SLX4IP: variants seen among roughly 807,000 people sequenced by gnomAD.
The protein encoded by SLX4IP is SLX4 interacting protein.
A neutral mutation model predicts 32.9 loss-of-function variants in SLX4IP; 34 were observed. The observed-to-expected ratio is 1.03, with a 90% CI of 0.79 to 1.38. The LOEUF is 1.38. Among genes scored for constraint, SLX4IP ranks in the 40% most tolerant of loss-of-function variants. SLX4IP has a pLI of 0.00. For missense variants in SLX4IP, 444 were observed against 479.0 expected, an observed-to-expected ratio of 0.93 and a Z score of 0.68; for synonymous variants, 172 against 171.7, an observed-to-expected ratio of 1.00 and a Z score of -0.01.
At chr20:10,519,892 T>A (rs376775369) in intron 2 of SLX4IP, among the ~76,000 whole-genome samples, 7 of 152,210 alleles carry the variant, frequency 4.6e-5, no homozygotes, top group African/African-American at 1.2e-4. Flanking sequence ...TCTGTCTTCT[T>A]GTTTACAGCT....
At chr20:10,583,471 A>G (rs908063029) in intron 4 of SLX4IP, among the ~76,000 whole-genome samples, 1 of 151,970 alleles carries the variant, frequency 6.6e-6, no homozygotes, top group Non-Finnish European at 1.5e-5. Context: ...TTTTTTTTCT[A>G]TCTGTTTATT....
intron 2 of SLX4IP, among the ~76,000 whole-genome samples, chr20:10,524,685 T>C (rs2065927271): frequency 1.3e-5 from 2 of 152,232 alleles, no homozygotes; most frequent in Non-Finnish European, 2.9e-5. Flanking sequence ...GAGTGTTGTA[T>C]GTACAGAAGT....
At chr20:10,569,646 T>C (rs1402971227) in intron 4 of SLX4IP, among the ~76,000 whole-genome samples, 4 of 152,276 alleles carry the variant, frequency 2.6e-5, no homozygotes, top group African/African-American at 9.6e-5. Context: ...TTGATGGCTG[T>C]CTCCTCCCTC....
chr20:10,607,520 T>A (rs2066918980), intron 6 of SLX4IP, among the ~76,000 whole-genome samples: 1 of 152,192 alleles, frequency 6.6e-6, no homozygotes, highest in Non-Finnish European at 1.5e-5. Context: ...CAAGGCTGAC[T>A]GCCCTGTCCC....
In SLX4IP at chr20:10,449,007, G is replaced by A. The variant is rs904086750; in HGVS notation, c.-29-9169G>A. On this transcript the variant is annotated intron_variant, in intron 1 of 7. Coordinates refer to ENST00000334534, the MANE Select transcript of SLX4IP (RefSeq NM_001009608.3). ...CTCTGAGGGCTGCTCACATATGAGT[G>A]TGTACTCCTTCCACCATGGATAAGT... Among the ~76,000 whole-genome samples the A allele has an allele frequency of 9.8e-5, 15 of 152,292 alleles. No individual in the cohort carries two copies. The East Asian group carries it at 2.9e-3, about 29-fold the overall frequency.
At chr20:10,521,713 T>C (rs984589266) in intron 2 of SLX4IP, among the ~76,000 whole-genome samples, 3 of 152,154 alleles carry the variant, frequency 2.0e-5, no homozygotes, top group Non-Finnish European at 4.4e-5. Context: ...CATCCCCAAA[T>C]ATGCCCATGG....
intron 4 of SLX4IP, among the ~76,000 whole-genome samples, chr20:10,566,631 A>T (rs762281022): frequency 1.3e-5 from 2 of 152,182 alleles, no homozygotes. Context: ...ACCTTACTCC[A>T]GTTCTACAAG....
At chr20:10,562,815 GTGA>G (rs1225970959) in intron 4 of SLX4IP, among the ~76,000 whole-genome samples, 1 of 152,124 alleles carries the variant, frequency 6.6e-6, no homozygotes, top group Non-Finnish European at 1.5e-5. Flanking sequence ...CATTCATCTG[GTGA>G]TGAACATTTA....
At chr20:10,470,929 G>C (rs1600903562) in intron 2 of SLX4IP, among the ~76,000 whole-genome samples, 1 of 152,172 alleles carries the variant, frequency 6.6e-6, no homozygotes, top group Non-Finnish European at 1.5e-5. Context: ...CTGAATGCAT[G>C]TTGTGGTTTC....
At chr20:10,480,598 A>G (rs1200736845) in intron 2 of SLX4IP, among the ~76,000 whole-genome samples, 1 of 152,250 alleles carries the variant, frequency 6.6e-6, no homozygotes, top group East Asian at 1.9e-4. Context: ...TACTTTAACA[A>G]TAGATAAAAG....
intron 2 of SLX4IP, among the ~76,000 whole-genome samples, chr20:10,544,932 G>A (rs2066147387): frequency 6.6e-6 from 1 of 152,046 alleles, no homozygotes; most frequent in South Asian, 2.1e-4. Flanking sequence ...GGATACAAGG[G>A]GGCCTGTAGC....
intron 4 of SLX4IP, among the ~76,000 whole-genome samples, chr20:10,561,545 CTTTTTTT>C (rs749781715): frequency 2.7e-3 from 374 of 139,152 alleles, no homozygotes; most frequent in Non-Finnish European, 4.4e-3. Context: ...TTTCTTTTTT[CTTTTTTT>C]TTTTTTGGTT....
rs373797601 is a variant in SLX4IP, at chr20:10,496,017, CTTG to C, written c.27+37795_27+37797del. Among the ~76,000 whole-genome samples the C allele has an allele frequency of 5.0e-4, 73 of 145,524 alleles. No homozygotes were observed. The South Asian group carries it at 0.012, about 24-fold the overall frequency. ...TAAGTAGCAAATAGCTGGGTTGTTTCTTGTTGTTGTTTGGTTGATTTTTTTTTT... is the reference window on the plus strand; with the variant it reads ...TAAGTAGCAAATAGCTGGGTTGTTTCTTGTTGTTTGGTTGATTTTTTTTTT... On this transcript the variant is annotated intron_variant, in intron 2 of 7. Transcript: ENST00000334534.
At chr20:10,584,497 A>G (rs1473820393) in intron 4 of SLX4IP, among the ~76,000 whole-genome samples, 1 of 152,258 alleles carries the variant, frequency 6.6e-6, no homozygotes, top group African/African-American at 2.4e-5. Flanking sequence ...TAATTTCATT[A>G]TAACATACCA....
intron 2 of SLX4IP, among the ~76,000 whole-genome samples, chr20:10,487,760 G>T (rs780850197): frequency 1.6e-4 from 25 of 152,104 alleles, no homozygotes; most frequent in Non-Finnish European, 3.2e-4. Context: ...GATTTAAGTT[G>T]TTTTTCTTCC....
At chr20:10,562,815 G>A (rs759840880) in intron 4 of SLX4IP, among the ~76,000 whole-genome samples, 5 of 152,124 alleles carry the variant, frequency 3.3e-5, no homozygotes, top group African/African-American at 4.8e-5. Flanking sequence ...CATTCATCTG[G>A]TGATGAACAT....
At chr20:10,456,904 A>G (rs890638949) in intron 1 of SLX4IP, among the ~76,000 whole-genome samples, 3 of 152,142 alleles carry the variant, frequency 2.0e-5, no homozygotes, top group Non-Finnish European at 2.9e-5. Context: ...ATTTCTTTCA[A>G]TTATATTTTA....
At chr20:10,520,984 A>T (rs766897207) in intron 2 of SLX4IP, among the ~76,000 whole-genome samples, 1 of 152,112 alleles carries the variant, frequency 6.6e-6, no homozygotes, top group Non-Finnish European at 1.5e-5. Context: ...GTTCTGGAGG[A>T]TTATTTAAAA....
intron 1 of SLX4IP, among the ~76,000 whole-genome samples, chr20:10,436,235 T>C (rs891666238): frequency 1.3e-5 from 2 of 152,176 alleles, no homozygotes; most frequent in South Asian, 4.1e-4. Context: ...CCTGGGAGCT[T>C]GTTAGAATTA....
Sources: allele counts gnomAD v4.1 joint callset (sites outside exome capture counted in the v4.1 genomes callset), GRCh38; gene constraint gnomAD v4.1.1; transcripts MANE v1.5; gene names NCBI Gene and HGNC (gene_info 2026-07-23, HGNC 2026-07-21).